The following HMCN1 variants were observed in gnomAD, a reference collection of about 807,000 sequenced individuals.
The protein encoded by HMCN1 is hemicentin 1, also known as hemicentin-1.
A neutral mutation model predicts 625.9 loss-of-function variants in HMCN1; 321 were observed. The observed-to-expected ratio is 0.51, with a 90% CI of 0.47 to 0.56. HMCN1 has a LOEUF of 0.56. Ranked by LOEUF, HMCN1 falls within the 20% of genes least tolerant of loss-of-function variation. HMCN1 has a pLI of 0.00. For missense variants in HMCN1, 6,588 were observed against 6,887.3 expected (o/e 0.96, Z 1.54); for synonymous variants, 2,425 against 2,417.6 (o/e 1.00, Z -0.09).
chr1:186,055,810 G>A, intron 45 of HMCN1, 136 bp downstream of exon 45: 2 of 853,838 alleles, frequency 2.3e-6, no homozygotes, highest in Non-Finnish European at 3.9e-6. Context: ...CTTTTCCCCA[G>A]GTCAGTCTCA....
chr1:186,088,171 A>G lies in HMCN1; in HGVS notation c.9472A>G (p.Arg3158Gly). Residue 3158 changes from arginine (R) to glycine (G), a missense_variant, in exon 62 of 107, where the codon AGA (arginine) becomes GGA (glycine). Physicochemically the swap from Arg to Gly is moderately radical, Grantham distance 125. Transcript: ENST00000271588. ...GCCACCCAGTATTGAAGGACCTGAA[A>G]GAGAAGTGATTGTGGAGACGATCAG... Reference protein sequence around the residue: ...YVPPSIEGPEREVIVETISNP... With the variant: ...YVPPSIEGPEGEVIVETISNP... The G allele has an allele frequency of 2.5e-6, 4 of 1,611,342 alleles. No individual in the cohort carries two copies. The highest frequency in any genetic ancestry group is 3.4e-6 in the Non-Finnish European group (4 of 1,178,506).
At chr1:186,134,416 G>C (rs1350875988) in intron 86 of HMCN1, among the ~76,000 whole-genome samples, 2 of 152,064 alleles carry the variant, frequency 1.3e-5, no homozygotes, top group Non-Finnish European at 2.9e-5. Flanking sequence ...ACTTTATGCA[G>C]CAACAGTTTA....
At chr1:186,095,044 T>C (rs899333943) in intron 67 of HMCN1, among the ~76,000 whole-genome samples, 199 bp from the exon 68 acceptor site, 1 of 152,174 alleles carries the variant, frequency 6.6e-6, no homozygotes, top group Non-Finnish European at 1.5e-5. Flanking sequence ...TTAAGTTTCA[T>C]TGCTAATCTT....
intron 30 of HMCN1, among the ~76,000 whole-genome samples, chr1:186,011,558 C>T (rs1489687124): frequency 2.0e-5 from 3 of 152,150 alleles, no homozygotes; most frequent in African/African-American, 7.2e-5. Flanking sequence ...GTGGAAAGCC[C>T]TCACTTTCAA....
At chr1:186,126,406 G>A (rs555570773) in intron 82 of HMCN1, among the ~76,000 whole-genome samples, 4 of 152,118 alleles carry the variant, frequency 2.6e-5, no homozygotes, top group Admixed American at 1.3e-4. Context: ...ATATCTAGAG[G>A]AAGGAGACAA....
At chr1:186,017,175 A>G in intron 33 of HMCN1, 104 bp downstream of exon 33, 1 of 746,684 alleles carries the variant, frequency 1.3e-6, no homozygotes, top group Non-Finnish European at 2.5e-6. Flanking sequence ...ATTGTATGAA[A>G]TTGTATTCTT....
At chr1:185,737,670 A>C (rs1258110840) in intron 1 of HMCN1, among the ~76,000 whole-genome samples, 5 of 152,216 alleles carry the variant, frequency 3.3e-5, no homozygotes, top group African/African-American at 1.2e-4. Context: ...ACCAACATGG[A>C]AAGAAATAAT....
intron 2 of HMCN1, among the ~76,000 whole-genome samples, chr1:185,848,769 A>C (rs1661988172): frequency 6.6e-6 from 1 of 152,078 alleles, no homozygotes; most frequent in Non-Finnish European, 1.5e-5. Context: ...TCCTTAATAC[A>C]CCCTGCACTT....
intron 25 of HMCN1, among the ~76,000 whole-genome samples, chr1:185,998,188 G>A (rs1274464568): frequency 5.3e-5 from 8 of 152,122 alleles, no homozygotes; most frequent in African/African-American, 1.9e-4. Context: ...CATCAGCAGT[G>A]ATTTAAAGCA....
At position 186,178,711 on chromosome 1, in the gene HMCN1, G is replaced by A; in HGVS notation, c.16239G>A (p.Arg5413=). The A allele has an allele frequency of 6.2e-7, 1 of 1,614,116 alleles. No homozygotes were observed. Among genetic ancestry groups the A allele is most frequent in the Non-Finnish European group, 8.5e-7 (1 of 1,179,984 alleles). ...GAACATCTCTCTCCAGGACTAGAAG[G>A]ACTATTAGGAAAACTTGCCCTGAAG... is the stretch of plus-strand genomic sequence containing the variant. ...NSRTSLSRTR[R]TIRKTCPEGS... The change falls in exon 104 of 107, where the codon AGG becomes AGA. Residue 5413 remains arginine, a synonymous_variant. Coordinates refer to ENST00000271588, the MANE Select transcript of HMCN1 (RefSeq NM_031935.3).
At chr1:185,991,810 T>C (rs1652450410) in intron 22 of HMCN1, among the ~76,000 whole-genome samples, 1 of 152,158 alleles carries the variant, frequency 6.6e-6, no homozygotes, top group African/African-American at 2.4e-5. Flanking sequence ...GAGCTACAAT[T>C]CCTGGTCAAA....
At chr1:186,175,892 G>A (rs28738090) in intron 103 of HMCN1, among the ~76,000 whole-genome samples, 36,639 of 133,488 alleles carry the variant, frequency 0.27, 5,451 homozygotes, top group Middle Eastern at 0.37. Context: ...AAAAAAAAAA[G>A]AAAGAAAAGA....
At chr1:185,923,690 A>C (rs1667112495) in intron 8 of HMCN1, 37 bp downstream of exon 8, 1 of 1,532,438 alleles carries the variant, frequency 6.5e-7, no homozygotes, top group African/African-American at 1.4e-5. Context: ...AAATATTGAC[A>C]GTTTAAGAGG....
At chr1:186,124,867 A>G (rs1661569974) in intron 81 of HMCN1, among the ~76,000 whole-genome samples, 1 of 152,028 alleles carries the variant, frequency 6.6e-6, no homozygotes. Context: ...AGAATTCTTA[A>G]TACTTTTTGT....
chr1:185,770,180 C>G (rs532880884), intron 1 of HMCN1, among the ~76,000 whole-genome samples: 1 of 152,236 alleles, frequency 6.6e-6, no homozygotes, highest in Admixed American at 6.5e-5. Flanking sequence ...CATCACCACT[C>G]TCTATAGAGA....
intron 71 of HMCN1, among the ~76,000 whole-genome samples, chr1:186,110,790 G>A (rs1279142050): frequency 6.6e-6 from 1 of 151,800 alleles, no homozygotes; most frequent in Non-Finnish European, 1.5e-5. Flanking sequence ...CTGCAGAGAT[G>A]GGGAAACAGA....
chr1:185,824,062 T>C (rs2102274393), intron 1 of HMCN1, among the ~76,000 whole-genome samples: 1 of 152,272 alleles, frequency 6.6e-6, no homozygotes, highest in South Asian at 2.1e-4. Flanking sequence ...AAATATTCTG[T>C]GCTTACTGTG....
chr1:185,992,523 C>G (rs375261709), intron 22 of HMCN1, among the ~76,000 whole-genome samples: 2 of 152,196 alleles, frequency 1.3e-5, no homozygotes, highest in East Asian at 3.9e-4. Context: ...ACTTTCCTTA[C>G]TTTTTGTAAT....
intron 31 of HMCN1, 131 bp from the exon 32 acceptor site, chr1:186,015,827 G>T: frequency 1.3e-6 from 1 of 789,882 alleles, no homozygotes; most frequent in South Asian, 1.6e-5. Context: ...AGCTTAGAGG[G>T]AGACAGGCAT....
Sources: gnomAD v4.1 joint callset for allele counts (sites outside exome capture counted in the v4.1 genomes callset) on GRCh38, gnomAD v4.1.1 for gene constraint, MANE v1.5 for transcripts, NCBI Gene and HGNC (gene_info 2026-07-23, HGNC 2026-07-21) for gene names.